The following SCNN1D variants were observed in gnomAD, a reference collection of about 807,000 sequenced individuals.
The protein encoded by SCNN1D is sodium channel epithelial 1 subunit delta.
In SCNN1D, 104 loss-of-function variants were observed where a neutral mutation model predicts 87.8. The ratio of observed to expected loss-of-function variants is 1.18; its 90% confidence interval spans 1.01 to 1.39. The LOEUF is 1.39. Among genes scored for constraint, SCNN1D ranks in the 40% most tolerant of loss-of-function variants. The pLI is 0.00. For synonymous variants in SCNN1D, 628 were observed against 481.2 expected (o/e 1.31, Z -3.99); for missense variants, 1,324 against 1,093.9 (o/e 1.21, Z -2.97).
rs746065985 is a variant in SCNN1D at position 1,290,621 on chromosome 1, C to A, written c.1860-16C>A. On this transcript the variant is annotated splice_polypyrimidine_tract_variant and intron_variant, in intron 14 of 17. Transcript: ENST00000379116. The stretch of plus-strand genomic sequence containing the variant: ...CCCAGGTAGCGTGGCAGGTGACACC[C>A]GGCTGTCTCTTCCAGGGAGTCTGCA... 1.2e-6 allele frequency: 2 copies of A among 1,612,472 alleles called. No individual in the cohort carries two copies. Among genetic ancestry groups the A allele is most frequent in the Admixed American group, 3.3e-5 (2 of 59,994 alleles).
In SCNN1D at chr1:1,281,567, C is replaced by T. The variant is rs757615245; in HGVS notation, c.234C>T (p.Tyr78=). Residue 78 remains tyrosine, a synonymous_variant, in exon 3 of 18, where the codon TAC becomes TAT. Transcript: ENST00000379116. ...FTSAGHVLCG[Y]PLCLLSGPIQ... is the part of the protein sequence containing the mutation. ...GTGCTGGACATGTGCTCTGTGGCTA[C>T]CCCCTCTGCCTACTCTCTGGCCCGA... 2.2e-5 allele frequency: 34 copies of T among 1,535,660 alleles called. No homozygotes were observed. Among genetic ancestry groups the T allele is most frequent in the Admixed American group, 3.9e-5 (2 of 50,964 alleles).
intron 12 of SCNN1D, among the ~76,000 whole-genome samples, 154 bp from the exon 13 acceptor site, chr1:1,290,117 T>TCTGCTCCGTCCCGTGTCC (rs1640741170): frequency 7.7e-6 from 1 of 130,478 alleles, no homozygotes; most frequent in African/African-American, 2.9e-5. Context: ...GTCCCGTGTC[T>TCTGCTCCGTCCCGTGTCC]CTGCTCCGTC....
At chr1:1,290,021 C>T (rs1445542061) in intron 12 of SCNN1D, among the ~76,000 whole-genome samples, 3 of 81,640 alleles carry the variant, frequency 3.7e-5, no homozygotes, top group African/African-American at 8.4e-5. Context: ...TGCTCCGTCC[C>T]GTGTCTCTGC....
chr1:1,290,383 C>T lies in SCNN1D; in HGVS notation c.1775C>T (p.Ala592Val). 6.2e-7 allele frequency: 1 copy of T among 1,603,330 alleles called. No homozygotes were observed. Among genetic ancestry groups the T allele is most frequent in the Non-Finnish European group, 8.5e-7 (1 of 1,173,962 alleles). ...TACTGCAGCTCTGCCCGGCACCCTG[C>T]CTGGGGTGAGTCCTGCTCGCTGCCT... is the stretch of plus-strand genomic sequence containing the variant. ...AEYCSSARHPAWGHCFYRLYQ... is the reference protein window; with the variant it reads ...AEYCSSARHPVWGHCFYRLYQ... The change falls in exon 13 of 18, where the codon GCC becomes GTC. Residue 592 changes from alanine (A) to valine (V), a missense_variant. By Grantham distance (64) the Ala-to-Val change is moderately conservative (BLOSUM62 0). Transcript: ENST00000379116.
chr1:1,282,045 G>T (rs1225875865), intron 3 of SCNN1D, 197 bp from the exon 4 acceptor site: 1 of 599,952 alleles, frequency 1.7e-6, no homozygotes, highest in Admixed American at 3.2e-5. Context: ...CAGATGTGGT[G>T]GGGGAGAAGC....
chr1:1,287,127 G>A lies in SCNN1D; in HGVS notation c.1138G>A (p.Asp380Asn), dbSNP rs1419816724. The A allele has an allele frequency of 6.3e-6, 10 of 1,598,502 alleles. No individual in the cohort carries two copies. The highest frequency in any genetic ancestry group is 4.5e-5 in the East Asian group (2 of 44,546). The change falls in exon 9 of 18, where the codon GAC becomes AAC. Residue 380 changes from aspartate (D) to asparagine (N), a missense_variant. By Grantham distance (23) the Asp-to-Asn change is conservative. Transcript: ENST00000379116. Reference sequence around the variant, plus strand: ...CTCCCAGTGCAACAGCACGGGCGGCGACTGCTTTTACCGAGGCTACACGTC... The same window carrying A: ...CTCCCAGTGCAACAGCACGGGCGGCAACTGCTTTTACCGAGGCTACACGTC... ...GFRLCNSTGGDCFYRGYTSGV... is the reference protein window; with the variant it reads ...GFRLCNSTGGNCFYRGYTSGV...
Position 1,280,477 on chromosome 1 carries a change from AAAAG to A in SCNN1D, c.-183_-180del. 2.0e-6 allele frequency: 1 copy of A among 490,522 alleles called. No individual in the cohort carries two copies. The highest frequency in any genetic ancestry group is 3.7e-6 in the Non-Finnish European group (1 of 272,150). 30.4% of individuals were successfully genotyped at this position (490,522 alleles called of 1,614,324 possible). On this transcript the variant is annotated 5_prime_UTR_variant, in exon 1 of 18. Transcript: ENST00000379116. ...ACTCCATCTCAATAAATAAAAAAAAAAAAGAGTTGTTATCAGTAGAAGGGAATGT... is the reference window on the plus strand; with the variant it reads ...ACTCCATCTCAATAAATAAAAAAAAAAGTTGTTATCAGTAGAAGGGAATGT...
Position 1,286,058 on chromosome 1 carries a change from G to A in SCNN1D, c.691G>A (p.Ala231Thr). 6.3e-7 allele frequency: 1 copy of A among 1,591,978 alleles called. No homozygotes were observed. Among genetic ancestry groups the A allele is most frequent in the Non-Finnish European group, 8.5e-7 (1 of 1,169,790 alleles). ...RELLTFFCTNATIHGAIRLVC... is the reference protein window; with the variant it reads ...RELLTFFCTNTTIHGAIRLVC... ...GCTGCTCACCTTCTTCTGCACCAAT[G>A]CCACCATCCACGGCGCCATCCGCCT... Residue 231 changes from alanine to threonine, a missense_variant, in exon 7 of 18, where the codon GCC (alanine) becomes ACC (threonine). Coordinates refer to ENST00000379116, the MANE Select transcript of SCNN1D (RefSeq NM_001130413.4).
Position 1,285,952 on chromosome 1 carries a change from G to A in SCNN1D, c.585G>A (p.Pro195=), listed in dbSNP as rs371275906. The A allele has an allele frequency of 2.2e-4, 349 of 1,555,520 alleles. No individual in the cohort carries two copies. The highest frequency in any genetic ancestry group is 2.4e-4 in the Non-Finnish European group (270 of 1,148,014). Residue 195 remains proline (P), a synonymous_variant, in exon 7 of 18, where the codon CCG becomes CCA. Coordinates refer to ENST00000379116, the MANE Select transcript of SCNN1D (RefSeq NM_001130413.4). ...CTGCAGCCCAGACGCCCCCCAGGCC[G>A]GGGCCACCATCAGCACCACCACCAC... ...GQAAAQTPPR[P]GPPSAPPPPP... is the part of the protein sequence containing the mutation.
intron 12 of SCNN1D, among the ~76,000 whole-genome samples, chr1:1,288,661 CGT>C (rs1228696827): frequency 8.7e-6 from 1 of 114,568 alleles, no homozygotes. Flanking sequence ...GTCTCTGCTC[CGT>C]CCCGTGTCTC....
intron 3 of SCNN1D, 200 bp from the exon 4 acceptor site, chr1:1,282,042 G>A: frequency 3.4e-6 from 2 of 596,284 alleles, no homozygotes; most frequent in East Asian, 2.9e-5. Flanking sequence ...GCCCAGATGT[G>A]GTGGGGGAGA....
In SCNN1D at chr1:1,286,945, G is replaced by A. The variant is rs144607319; in HGVS notation, c.1089G>A (p.Ser363=). ...REIRLQRLSH[S]GSRVRVGFRL... Reference sequence around the variant, plus strand: ...TCCGTCTGCAGAGGCTGAGCCACTCGGGCAGCCGGGTCAGAGTGGGGTTCA... The same window carrying A: ...TCCGTCTGCAGAGGCTGAGCCACTCAGGCAGCCGGGTCAGAGTGGGGTTCA... The change falls in exon 8 of 18, where the codon TCG becomes TCA. Residue 363 remains serine (S), a synonymous_variant. Coordinates refer to ENST00000379116, the MANE Select transcript of SCNN1D (RefSeq NM_001130413.4). 2.3e-5 allele frequency: 37 copies of A among 1,612,222 alleles called. No individual in the cohort carries two copies. In the African/African-American group the frequency reaches 3.5e-4, roughly 15 times the overall value.
intron 3 of SCNN1D, 36 bp from the exon 4 acceptor site, chr1:1,282,206 G>T: frequency 8.3e-7 from 1 of 1,200,270 alleles, no homozygotes; most frequent in Non-Finnish European, 1.2e-6. Context: ...ACTCGGGAAG[G>T]CCACACAGCC....
At chr1:1,288,583 T>C (rs375862731) in intron 12 of SCNN1D, among the ~76,000 whole-genome samples, 172 of 7,756 alleles carry the variant, frequency 0.022, 5 homozygotes, top group Non-Finnish European at 0.03. Flanking sequence ...GTGTCTCTGC[T>C]CCGTCCCGTG....
chr1:1,284,970 A>G (rs1293908437), intron 5 of SCNN1D, among the ~76,000 whole-genome samples: 2 of 152,174 alleles, frequency 1.3e-5, no homozygotes, highest in East Asian at 1.9e-4. Flanking sequence ...TGCCCTGTCT[A>G]TGCGCCAGGT....
In SCNN1D at chr1:1,291,192, G is replaced by A. The variant is rs530016739; in HGVS notation, c.2052+52G>A. ...AGAGCGGGGGCAGCGACAGTGGCTG[G>A]CCCTGCACAGAAGGGGCACGGGGGC... On this transcript the variant is annotated intron_variant, in intron 17 of 17. Transcript: ENST00000379116. 1.1e-4 allele frequency: 182 copies of A among 1,590,732 alleles called. 3 individuals carry two copies. In the South Asian group the frequency reaches 1.9e-3, roughly 17 times the overall value.
At position 1,291,832 on chromosome 1, in the gene SCNN1D, G is replaced by A. The variant is rs1280534683; in HGVS notation, c.*222G>A. 5 of 448,772 alleles carry A rather than the reference G, an allele frequency of 1.1e-5. No homozygotes were observed. The highest frequency in any genetic ancestry group is 2.0e-5 in the Non-Finnish European group (5 of 255,482). The allele number at this position is 448,772 out of a possible 1,614,324, so 27.8% of individuals were successfully genotyped here. A position where few individuals can be genotyped will look rare whatever the true frequency, so the allele number is the denominator to read the frequency against. On this transcript the variant is annotated 3_prime_UTR_variant, in exon 18 of 18. Transcript: ENST00000379116. ...CCGGGGCGGAGGGGGGTTCCCGCGTGCACACGAGTGCGGCTGGACGTGCCG... is the reference window on the plus strand; with the variant it reads ...CCGGGGCGGAGGGGGGTTCCCGCGTACACACGAGTGCGGCTGGACGTGCCG...
chr1:1,287,907 A>G, intron 11 of SCNN1D, 32 bp from the exon 12 acceptor site: 2 of 1,500,816 alleles, frequency 1.3e-6, no homozygotes, highest in Non-Finnish European at 1.8e-6. Context: ...GGGTGAGGGC[A>G]GGGCCCATGG....
At chr1:1,283,334 C>T (rs1247045380) in intron 4 of SCNN1D, among the ~76,000 whole-genome samples, 1 of 152,122 alleles carries the variant, frequency 6.6e-6, no homozygotes, top group African/African-American at 2.4e-5. Context: ...TGTCTGTCAG[C>T]CAGGGAAGGG....
Sources: allele counts gnomAD v4.1 joint callset (sites outside exome capture counted in the v4.1 genomes callset), GRCh38; gene constraint gnomAD v4.1.1; transcripts MANE v1.5; gene names NCBI Gene and HGNC (gene_info 2026-07-23, HGNC 2026-07-21).